Variants in ZCWPW2 observed in about 807,000 individuals in gnomAD.
ZCWPW2 encodes zinc finger CW-type and PWWP domain containing 2, also known as zinc finger CW-type PWWP domain protein 2.
Under a neutral mutation model 46.6 loss-of-function variants are expected in ZCWPW2, and 45 were observed. The observed-to-expected ratio is 0.96, with a 90% confidence interval of 0.76 to 1.24. ZCWPW2 has a LOEUF of 1.24. ZCWPW2 is among the 50% of genes most tolerant of loss of function. The probability of loss-of-function intolerance (pLI) is 0.00; values close to 1 mark genes in which losing one functional copy is unlikely to be tolerated. For synonymous variants in ZCWPW2, 152 were observed against 137.1 expected, an observed-to-expected ratio of 1.11 and a Z score of -0.76; for missense variants, 429 against 403.9, an observed-to-expected ratio of 1.06 and a Z score of -0.53.
In ZCWPW2 at chr3:28,443,770, G is replaced by T. The variant is rs534990605; in HGVS notation, c.492+8501G>T. ...ACTGTTAGATCTGACATACAGAGAA[G>T]AGCAATTACAGGGCTCCTCAAAATT... On this transcript the variant is annotated intron_variant, in intron 4 of 9. Coordinates refer to ENST00000383768, the MANE Select transcript of ZCWPW2 (RefSeq NM_001040432.4). Among the ~76,000 whole-genome samples the T allele has an allele frequency of 2.5e-4, 38 of 152,232 alleles. No individual in the cohort carries two copies. The South Asian group carries it at 6.2e-3, about 25-fold the overall frequency.
chr3:28,396,220 A>G (rs987563917), intron 2 of ZCWPW2, among the ~76,000 whole-genome samples: 1 of 152,198 alleles, frequency 6.6e-6, no homozygotes, highest in Non-Finnish European at 1.5e-5. Flanking sequence ...TTATACAGCT[A>G]GAAAGTTGAA....
chr3:28,524,609 T>A lies in ZCWPW2; in HGVS notation c.992T>A (p.Ile331Lys). Residue 331 changes from isoleucine (I) to lysine (K), a missense_variant, in exon 10 of 10, where the codon ATA (isoleucine) becomes AAA (lysine). Transcript: ENST00000383768. ...YEEDYLVIDG[I>K]KLKAGECIED... ...GAGGACTATCTTGTAATTGATGGGATAAAATTAAAAGCTGGAGAATGTATT... is the reference window on the plus strand; with the variant it reads ...GAGGACTATCTTGTAATTGATGGGAAAAAATTAAAAGCTGGAGAATGTATT... 1 of 1,608,904 alleles carries A rather than the reference T, an allele frequency of 6.2e-7. No homozygotes were observed. Among genetic ancestry groups the A allele is most frequent in the East Asian group, 2.2e-5 (1 of 44,608 alleles).
At chr3:28,505,335 A>T (rs1700247523) in intron 6 of ZCWPW2, among the ~76,000 whole-genome samples, 1 of 152,154 alleles carries the variant, frequency 6.6e-6, no homozygotes, top group Non-Finnish European at 1.5e-5. Flanking sequence ...CATTGTTCAA[A>T]TCTCATAGGA....
chr3:28,350,753 T>C (rs1298741136), intron 1 of ZCWPW2, among the ~76,000 whole-genome samples: 1 of 151,890 alleles, frequency 6.6e-6, no homozygotes, highest in African/African-American at 2.4e-5. Context: ...ATTAAAGGTT[T>C]ATTATCAGGG....
At chr3:28,375,873 A>G (rs1705485107) in intron 1 of ZCWPW2, among the ~76,000 whole-genome samples, 1 of 152,084 alleles carries the variant, frequency 6.6e-6, no homozygotes, top group Non-Finnish European at 1.5e-5. Flanking sequence ...GATCACACAA[A>G]TAAGTAAAAA....
chr3:28,407,390 C>G (rs1327924420), intron 2 of ZCWPW2, among the ~76,000 whole-genome samples: 1 of 151,914 alleles, frequency 6.6e-6, no homozygotes, highest in Non-Finnish European at 1.5e-5. Context: ...ATCTTTTGTT[C>G]CCAGTGTCTG....
rs373291677 is a variant in ZCWPW2, at chr3:28,413,171, A to G, written c.103A>G (p.Asn35Asp). 39 of 1,613,380 alleles carry G rather than the reference A, an allele frequency of 2.4e-5. No homozygotes were observed. The highest frequency in any genetic ancestry group is 2.0e-4 in the South Asian group (18 of 91,072). ...AAACAAAGTGTGGGTTCAATGTGAG[A>G]ATGAAAATTGTTTGAAATGGAGATT... is the stretch of plus-strand genomic sequence containing the variant. Reference protein sequence around the residue: ...YVNKVWVQCENENCLKWRLLS... With the variant: ...YVNKVWVQCEDENCLKWRLLS... The change falls in exon 3 of 10, where the codon AAT (asparagine) becomes GAT (aspartate). Residue 35 changes from asparagine (N) to aspartate (D), a missense_variant. Physicochemically the swap from Asn to Asp is conservative, Grantham distance 23. Transcript: ENST00000383768.
chr3:28,475,682 T>C (rs2125801670), intron 4 of ZCWPW2, among the ~76,000 whole-genome samples: 1 of 152,296 alleles, frequency 6.6e-6, no homozygotes, highest in Non-Finnish European at 1.5e-5. Flanking sequence ...TTGATGCTTC[T>C]TTAATATACA....
At chr3:28,446,394 C>T (rs1167239286) in intron 4 of ZCWPW2, among the ~76,000 whole-genome samples, 2 of 152,046 alleles carry the variant, frequency 1.3e-5, no homozygotes, top group East Asian at 3.9e-4. Flanking sequence ...GGGAATTGAA[C>T]ACCCCAAGAC....
rs1238848727 is a variant in ZCWPW2, at chr3:28,476,599, A to G, written c.493-2215A>G. ...CCAGGGACCAGTTTCATGGAAGACA[A>G]TTTTTCCATGGACTGGGGGAAGGAA... On this transcript the variant is annotated intron_variant, in intron 4 of 9. Coordinates refer to ENST00000383768, the MANE Select transcript of ZCWPW2 (RefSeq NM_001040432.4). 3.9e-5 allele frequency among the ~76,000 whole-genome samples: 6 copies of G among 152,238 alleles called. No homozygotes were observed. The South Asian group carries it at 1.0e-3, about 26-fold the overall frequency.
At chr3:28,496,027 G>T (rs545945429) in intron 6 of ZCWPW2, among the ~76,000 whole-genome samples, 11 of 152,050 alleles carry the variant, frequency 7.2e-5, no homozygotes, top group African/African-American at 2.4e-4. Flanking sequence ...CTGAAACACA[G>T]CATGTTAGGC....
rs1436597062 is a variant in ZCWPW2 at position 28,477,874 on chromosome 3, AT to A, written c.493-939del. ...TATAAATATAACATTTAAAAACATT[AT>A]AAAAATCCTTTTTGCTGAGTTTTAA... On this transcript the variant is annotated intron_variant, in intron 4 of 9. Coordinates refer to ENST00000383768, the MANE Select transcript of ZCWPW2 (RefSeq NM_001040432.4). 6.8e-4 allele frequency among the ~76,000 whole-genome samples: 104 copies of A among 152,290 alleles called. 2 individuals carry two copies. The highest frequency in any genetic ancestry group is 2.3e-3 in the African/African-American group (97 of 41,578).
chr3:28,402,915 T>A (rs1383037882), intron 2 of ZCWPW2, among the ~76,000 whole-genome samples: 1 of 152,098 alleles, frequency 6.6e-6, no homozygotes, highest in Non-Finnish European at 1.5e-5. Flanking sequence ...ATAAAAGCCA[T>A]CTATGACAAA....
At chr3:28,372,807 A>G (rs184741962) in intron 1 of ZCWPW2, among the ~76,000 whole-genome samples, 6 of 152,236 alleles carry the variant, frequency 3.9e-5, no homozygotes, top group Admixed American at 3.9e-4. Context: ...CCCAGTGTCT[A>G]TTATTCCCCT....
chr3:28,432,590 A>G (rs1697307348), intron 3 of ZCWPW2, among the ~76,000 whole-genome samples: 1 of 152,060 alleles, frequency 6.6e-6, no homozygotes, highest in Admixed American at 6.6e-5. Flanking sequence ...TGATTGGTTA[A>G]TTTTTTAACA....
intron 1 of ZCWPW2, among the ~76,000 whole-genome samples, chr3:28,357,497 C>T (rs991137625): frequency 2.6e-5 from 4 of 152,086 alleles, no homozygotes; most frequent in African/African-American, 9.7e-5. Context: ...AAGCAGATTG[C>T]TCTCCACATT....
chr3:28,352,445 AGTTGTCC>A (rs1704588290), intron 1 of ZCWPW2, among the ~76,000 whole-genome samples: 1 of 152,010 alleles, frequency 6.6e-6, no homozygotes, highest in Admixed American at 6.5e-5. Context: ...CCTCTTTAGC[AGTTGTCC>A]CTCTCTCACT....
chr3:28,352,126 G>GCACACA (rs111383620), intron 1 of ZCWPW2, among the ~76,000 whole-genome samples: 10,693 of 129,374 alleles, frequency 0.083, 499 homozygotes, highest in African/African-American at 0.11. Flanking sequence ...TCAGATGTAT[G>GCACACA]CACACACACA....
At chr3:28,437,895 A>G (rs986071599) in intron 4 of ZCWPW2, among the ~76,000 whole-genome samples, 3 of 152,208 alleles carry the variant, frequency 2.0e-5, no homozygotes, top group African/African-American at 7.2e-5. Context: ...CACCTAGACA[A>G]CAATCAGACA....
Sources: allele counts gnomAD v4.1 joint callset (sites outside exome capture counted in the v4.1 genomes callset), GRCh38; gene constraint gnomAD v4.1.1; transcripts MANE v1.5; gene names NCBI Gene and HGNC (gene_info 2026-07-23, HGNC 2026-07-21).